FRMPD1: variants seen among roughly 807,000 people sequenced by gnomAD.
FRMPD1 encodes FERM and PDZ domain-containing protein 1.
In FRMPD1, 76 loss-of-function variants were observed where a neutral mutation model predicts 117.8. The observed-to-expected ratio is 0.65, with a 90% CI of 0.54 to 0.78. FRMPD1 has a LOEUF of 0.78. Among genes scored for constraint, FRMPD1 ranks in the 30% least tolerant of loss-of-function variants. FRMPD1 has a pLI of 0.00. For synonymous variants in FRMPD1, 783 were observed against 770.4 expected, an observed-to-expected ratio of 1.02 and a Z score of -0.27; for missense variants, 1,786 against 1,964.5, an observed-to-expected ratio of 0.91 and a Z score of 1.72.
intron 1 of FRMPD1, among the ~76,000 whole-genome samples, chr9:37,674,616 A>G (rs933383545): frequency 2.0e-5 from 3 of 152,196 alleles, no homozygotes; most frequent in African/African-American, 7.2e-5. Context: ...CTCGGAAGAA[A>G]AAGAGGTTTA....
At chr9:37,636,278 G>T in the FRMPD1 span, among the ~76,000 whole-genome samples, 1 of 152,190 alleles carries the variant, frequency 6.6e-6, no homozygotes, top group Non-Finnish European at 1.5e-5. Context: ...TGCAGCCAGG[G>T]CAGTAGAGGC....
intron 7 of FRMPD1, 102 bp downstream of exon 7, chr9:37,724,422 C>A: frequency 1.6e-6 from 1 of 634,428 alleles, no homozygotes; most frequent in South Asian, 1.8e-5. Context: ...GTCTCACAAA[C>A]ACCGTGGTCT....
chr9:37,647,871 G>T (rs750650116), upstream of FRMPD1, among the ~76,000 whole-genome samples: 1 of 152,190 alleles, frequency 6.6e-6, no homozygotes, highest in Non-Finnish European at 1.5e-5. Context: ...GAAAAACAAG[G>T]AAGCAATAAT....
intron 1 of FRMPD1, among the ~76,000 whole-genome samples, chr9:37,651,661 G>A (rs1015428831): frequency 1.3e-5 from 2 of 152,256 alleles, no homozygotes; most frequent in Non-Finnish European, 2.9e-5. Context: ...CTTTAGTGGG[G>A]GCGTTGAGTC....
chr9:37,693,071 C>T (rs944824739), intron 2 of FRMPD1: 11 of 317,348 alleles, frequency 3.5e-5, no homozygotes, highest in Non-Finnish European at 5.4e-5. Context: ...CTGGAGCACA[C>T]ACTCATACAT....
At chr9:37,611,915 G>A in the FRMPD1 span, among the ~76,000 whole-genome samples, 1 of 152,118 alleles carries the variant, frequency 6.6e-6, no homozygotes, top group Admixed American at 6.5e-5. Flanking sequence ...TGGACCTAAA[G>A]TGATTCTCTC....
chr9:37,645,231 G>C, the FRMPD1 span, among the ~76,000 whole-genome samples: 2 of 152,178 alleles, frequency 1.3e-5, no homozygotes, highest in African/African-American at 2.4e-5. Flanking sequence ...CTTAAGGAAT[G>C]AGATAAAAAT....
intron 15 of FRMPD1, chr9:37,741,115 G>T: frequency 1.7e-6 from 1 of 573,286 alleles, no homozygotes; most frequent in Admixed American, 3.0e-5. Context: ...TCATCCAACA[G>T]TGGGAATCAG....
At chr9:37,650,835 G>T (rs1287220490), upstream of FRMPD1, among the ~76,000 whole-genome samples, 1 of 148,512 alleles carries the variant, frequency 6.7e-6, no homozygotes, top group Non-Finnish European at 1.5e-5. Flanking sequence ...CCCCCGGGGC[G>T]GGGGTCGCGG....
At chr9:37,657,031 G>C (rs1244711775) in intron 1 of FRMPD1, among the ~76,000 whole-genome samples, 1 of 152,214 alleles carries the variant, frequency 6.6e-6, no homozygotes, top group Non-Finnish European at 1.5e-5. Context: ...AACCTCAGCT[G>C]CTTCAGTAAA....
chr9:37,712,499 G>A (rs1049540328), intron 5 of FRMPD1, among the ~76,000 whole-genome samples: 5 of 152,174 alleles, frequency 3.3e-5, no homozygotes, highest in African/African-American at 1.2e-4. Flanking sequence ...GGGATTACAA[G>A]CACCCACCAC....
intron 1 of FRMPD1, among the ~76,000 whole-genome samples, chr9:37,675,370 G>A (rs1427590449): frequency 1.3e-5 from 2 of 151,404 alleles, no homozygotes; most frequent in Non-Finnish European, 2.9e-5. Flanking sequence ...GCGGAGAGGC[G>A]AGATCGTGCC....
the FRMPD1 span, among the ~76,000 whole-genome samples, chr9:37,639,209 C>T: frequency 1.3e-5 from 2 of 152,188 alleles, no homozygotes; most frequent in African/African-American, 2.4e-5. Flanking sequence ...GGACACATTT[C>T]CTGTTCCATG....
intron 2 of FRMPD1, among the ~76,000 whole-genome samples, chr9:37,694,671 G>T (rs1334401668): frequency 6.6e-6 from 1 of 152,092 alleles, no homozygotes; most frequent in Non-Finnish European, 1.5e-5. Context: ...CGTGTAGCTG[G>T]GACTGCAGGC....
intron 5 of FRMPD1, among the ~76,000 whole-genome samples, chr9:37,716,244 G>T (rs1180213039): frequency 6.6e-6 from 1 of 152,176 alleles, no homozygotes; most frequent in Non-Finnish European, 1.5e-5. Flanking sequence ...GTTTTCCAAG[G>T]GATAGCTTCC....
At chr9:37,697,117 A>G (rs947403613) in intron 2 of FRMPD1, among the ~76,000 whole-genome samples, 1 of 152,178 alleles carries the variant, frequency 6.6e-6, no homozygotes, top group Non-Finnish European at 1.5e-5. Context: ...TGTTACAATC[A>G]TTAGTCAAAT....
At chr9:37,736,544 A>G (rs1301014289) in intron 13 of FRMPD1, among the ~76,000 whole-genome samples, 1 of 151,740 alleles carries the variant, frequency 6.6e-6, no homozygotes, top group Non-Finnish European at 1.5e-5. Flanking sequence ...AAAAAAAAAA[A>G]AAAAAGGTAA....
At chr9:37,712,075 G>C (rs1822928073) in intron 5 of FRMPD1, among the ~76,000 whole-genome samples, 1 of 152,110 alleles carries the variant, frequency 6.6e-6, no homozygotes, top group South Asian at 2.1e-4. Flanking sequence ...ATAAAAAAGA[G>C]GGGCATAGAG....
the FRMPD1 span, among the ~76,000 whole-genome samples, chr9:37,624,888 T>C: frequency 6.6e-6 from 1 of 152,212 alleles, no homozygotes; most frequent in South Asian, 2.1e-4. Flanking sequence ...ATACACCCTT[T>C]CTCTTATAAT....
Sources: gnomAD v4.1 joint callset for allele counts (sites outside exome capture counted in the v4.1 genomes callset) on GRCh38, gnomAD v4.1.1 for gene constraint, MANE v1.5 for transcripts, NCBI Gene and HGNC (gene_info 2026-07-23, HGNC 2026-07-21) for gene names.